Variants in SHISA9 observed in about 807,000 individuals in gnomAD.
SHISA9 encodes the protein shisa family member 9.
SHISA9 carries 13 observed loss-of-function variants against 38.0 expected under a neutral mutation model. That is an observed-to-expected ratio of 0.34 (90% CI 0.22 to 0.54). The LOEUF is 0.54. Ranked by LOEUF, SHISA9 falls within the 20% of genes least tolerant of loss-of-function variation. The probability of loss-of-function intolerance (pLI) is 0.91; values close to 1 mark genes in which losing one functional copy is unlikely to be tolerated. For synonymous variants in SHISA9, 275 were observed against 242.0 expected, an observed-to-expected ratio of 1.14 and a Z score of -1.27; for missense variants, 538 against 575.8, an observed-to-expected ratio of 0.93 and a Z score of 0.67.
chr16:13,528,120 C>T, the SHISA9 span, among the ~76,000 whole-genome samples: 1 of 152,148 alleles, frequency 6.6e-6, no homozygotes, highest in Non-Finnish European at 1.5e-5. Context: ...AATCAGAATT[C>T]CTTTCCCTGT....
chr16:13,425,004 A>G, the SHISA9 span, among the ~76,000 whole-genome samples: 5 of 152,238 alleles, frequency 3.3e-5, no homozygotes, highest in African/African-American at 4.8e-5. Flanking sequence ...TATATATACC[A>G]TGGAATACTA....
intron 2 of SHISA9, among the ~76,000 whole-genome samples, chr16:13,177,003 G>A (rs918345705): frequency 3.2e-4 from 49 of 152,280 alleles, no homozygotes; most frequent in Admixed American, 2.4e-3. Context: ...AGGGCTCAGA[G>A]CTGGGGATCC....
At chr16:13,320,905 T>C in the SHISA9 span, among the ~76,000 whole-genome samples, 1 of 152,216 alleles carries the variant, frequency 6.6e-6, no homozygotes, top group Non-Finnish European at 1.5e-5. Context: ...TCTTCATTCT[T>C]TGATCTACTA....
intron 2 of SHISA9, among the ~76,000 whole-genome samples, chr16:12,946,061 C>A (rs2071684837): frequency 6.6e-6 from 1 of 152,172 alleles, no homozygotes; most frequent in Non-Finnish European, 1.5e-5. Context: ...CATGAGTTGG[C>A]TAACCTGTTT....
At chr16:13,536,210 G>A in the SHISA9 span, among the ~76,000 whole-genome samples, 1 of 152,072 alleles carries the variant, frequency 6.6e-6, no homozygotes, top group South Asian at 2.1e-4. Flanking sequence ...TGTTGGCCAG[G>A]CTGGTCTCAA....
At chr16:13,140,918 C>T (rs1450748309) in intron 2 of SHISA9, among the ~76,000 whole-genome samples, 1 of 152,132 alleles carries the variant, frequency 6.6e-6, no homozygotes, top group East Asian at 1.9e-4. Flanking sequence ...TTAGGATTAT[C>T]TAGAAATACT....
At chr16:12,989,935 C>T (rs2072362877) in intron 2 of SHISA9, among the ~76,000 whole-genome samples, 1 of 152,120 alleles carries the variant, frequency 6.6e-6, no homozygotes, top group East Asian at 1.9e-4. Context: ...TCTCCCTTTG[C>T]ACCCCTCCTG....
intron 2 of SHISA9, among the ~76,000 whole-genome samples, chr16:13,124,184 C>T (rs913911275): frequency 6.6e-6 from 1 of 152,162 alleles, no homozygotes; most frequent in African/African-American, 2.4e-5. Flanking sequence ...GTCAATTTAC[C>T]TCTTAAAGCC....
chr16:13,022,227 C>T (rs948818493), intron 2 of SHISA9, among the ~76,000 whole-genome samples: 2 of 152,196 alleles, frequency 1.3e-5, no homozygotes, highest in African/African-American at 4.8e-5. Context: ...TCACAGCTCA[C>T]TGCAGCTTTG....
intron 2 of SHISA9, among the ~76,000 whole-genome samples, chr16:13,145,172 A>G (rs1567226781): frequency 6.6e-6 from 1 of 152,212 alleles, no homozygotes; most frequent in Non-Finnish European, 1.5e-5. Flanking sequence ...GAGCACCTGC[A>G]TTGCAGCATA....
At chr16:13,362,200 C>T in the SHISA9 span, among the ~76,000 whole-genome samples, 17 of 122,626 alleles carry the variant, frequency 1.4e-4, no homozygotes, top group African/African-American at 5.3e-4. Flanking sequence ...CTTGTCTCTA[C>T]TAAGAACGAC....
At chr16:13,089,093 T>C (rs1014041303) in intron 2 of SHISA9, among the ~76,000 whole-genome samples, 38 of 152,212 alleles carry the variant, frequency 2.5e-4, no homozygotes, top group Non-Finnish European at 5.9e-5. Flanking sequence ...TTGGTTCTGT[T>C]GATATGATGG....
At chr16:13,056,427 A>G (rs1227563262) in intron 2 of SHISA9, among the ~76,000 whole-genome samples, 1 of 152,186 alleles carries the variant, frequency 6.6e-6, no homozygotes, top group African/African-American at 2.4e-5. Context: ...GGTCAATGAG[A>G]TCTGTGTTGA....
At chr16:13,185,248 C>T (rs1041677491) in intron 2 of SHISA9, among the ~76,000 whole-genome samples, 1 of 152,152 alleles carries the variant, frequency 6.6e-6, no homozygotes, top group Non-Finnish European at 1.5e-5. Context: ...ATCACCCAGG[C>T]TAGAGAGCAG....
intron 2 of SHISA9, among the ~76,000 whole-genome samples, chr16:13,025,867 G>A (rs2141871539): frequency 6.6e-6 from 1 of 152,230 alleles, no homozygotes; most frequent in Non-Finnish European, 1.5e-5. Context: ...GTACAATGGT[G>A]TGATCCTGGC....
the SHISA9 span, among the ~76,000 whole-genome samples, chr16:13,328,119 C>T: frequency 6.6e-6 from 1 of 152,168 alleles, no homozygotes; most frequent in Non-Finnish European, 1.5e-5. Flanking sequence ...ATTTCCCATT[C>T]CCCCTCCTCT....
At chr16:13,200,753 A>T (rs984811) in intron 2 of SHISA9, among the ~76,000 whole-genome samples, 1 of 133,686 alleles carries the variant, frequency 7.5e-6, no homozygotes, top group African/African-American at 3.0e-5. Flanking sequence ...ACGTTGGCCA[A>T]AGACTGGGTT....
At chr16:13,359,442 C>T in the SHISA9 span, among the ~76,000 whole-genome samples, 8 of 152,186 alleles carry the variant, frequency 5.3e-5, no homozygotes, top group Non-Finnish European at 2.9e-5. Context: ...GAGATCATGC[C>T]ATGGCATTCC....
At chr16:13,102,051 A>G (rs1187360216) in intron 2 of SHISA9, among the ~76,000 whole-genome samples, 1 of 152,156 alleles carries the variant, frequency 6.6e-6, no homozygotes, top group Non-Finnish European at 1.5e-5. Context: ...CTCACCCAGC[A>G]GTTTACTTTA....
Sources: gnomAD v4.1 joint callset for allele counts (sites outside exome capture counted in the v4.1 genomes callset) on GRCh38, gnomAD v4.1.1 for gene constraint, MANE v1.5 for transcripts, NCBI Gene and HGNC (gene_info 2026-07-23, HGNC 2026-07-21) for gene names.